RMP64: variants seen among roughly 807,000 people sequenced by gnomAD.
RMP64 encodes the protein nucleolus and neural progenitor protein.
At chr3:113,010,257 C>A in the RMP64 span, among the ~76,000 whole-genome samples, 1 of 152,116 alleles carries the variant, frequency 6.6e-6, no homozygotes, top group Non-Finnish European at 1.5e-5. Context: ...ATTACTATTA[C>A]AAAATAGAGG....
At chr3:113,013,542 T>G in the RMP64 span, 1 of 760,004 alleles carries the variant, frequency 1.3e-6, no homozygotes, top group Non-Finnish European at 2.1e-6. Flanking sequence ...TAGGGCAAGG[T>G]ATGGCAGAAG....
the RMP64 span, chr3:113,010,943 G>T: frequency 9.1e-7 from 1 of 1,098,944 alleles, no homozygotes; most frequent in South Asian, 1.6e-5. Flanking sequence ...GATGTGAGAT[G>T]TTGAATTTCT....
At chr3:113,009,734 T>A in the RMP64 span, 1 of 152,202 alleles carries the variant, frequency 6.6e-6, no homozygotes, top group African/African-American at 2.4e-5. Flanking sequence ...GTAATAAGCA[T>A]GCCCACCTCA....
At chr3:113,008,448 G>A in the RMP64 span, 1 of 1,593,974 alleles carries the variant, frequency 6.3e-7, no homozygotes, top group East Asian at 2.2e-5. Context: ...GTGGAAAGAT[G>A]AGAAAAATAT....
the RMP64 span, chr3:113,012,723 T>C: frequency 1.8e-5 from 27 of 1,459,462 alleles, no homozygotes; most frequent in Admixed American, 8.4e-5. Flanking sequence ...ATGTCAGAGG[T>C]ATGTACATAC....
chr3:113,005,851 C>T, the RMP64 span: 12 of 1,613,706 alleles, frequency 7.4e-6, no homozygotes, highest in African/African-American at 2.7e-5. Flanking sequence ...TTAAAAGAGT[C>T]GACTGCAACT....
the RMP64 span, among the ~76,000 whole-genome samples, chr3:113,018,311 C>T: frequency 1.3e-5 from 2 of 152,160 alleles, no homozygotes; most frequent in Non-Finnish European, 2.9e-5. Context: ...CCAACAACTA[C>T]CTGAAGACAG....
chr3:113,011,318 T>C, the RMP64 span: 6 of 1,613,592 alleles, frequency 3.7e-6, no homozygotes, highest in African/African-American at 4.0e-5. Context: ...AAGTAAGGCA[T>C]TGGTTGAATC....
At chr3:113,018,281 A>C in the RMP64 span, among the ~76,000 whole-genome samples, 3 of 152,336 alleles carry the variant, frequency 2.0e-5, no homozygotes, top group South Asian at 2.1e-4. Context: ...TTGCTACCTA[A>C]CAAGAATTTT....
chr3:113,006,297 G>A, the RMP64 span, among the ~76,000 whole-genome samples: 1 of 152,198 alleles, frequency 6.6e-6, no homozygotes, highest in Non-Finnish European at 1.5e-5. Context: ...TAGTGTCAGA[G>A]CTTTTCCCTC....
chr3:113,012,609 C>A, the RMP64 span: 845 of 577,870 alleles, frequency 1.5e-3, 17 homozygotes, highest in South Asian at 0.022. Context: ...TCTGATCAAA[C>A]CAAGAAAGAG....
At chr3:113,012,537 A>G in the RMP64 span, 1 of 413,026 alleles carries the variant, frequency 2.4e-6, no homozygotes, top group East Asian at 3.5e-5. Flanking sequence ...GGATTGAGAT[A>G]CAAAGCCTAC....
the RMP64 span, chr3:113,004,304 G>T: frequency 6.6e-6 from 1 of 152,132 alleles, no homozygotes; most frequent in Non-Finnish European, 1.5e-5. Context: ...CAGGTTTCTG[G>T]CCCCTGTTTA....
the RMP64 span, chr3:113,003,944 C>T: frequency 6.6e-6 from 1 of 152,140 alleles, no homozygotes. Flanking sequence ...ATATAGACAA[C>T]TCTCAGCAAA....
chr3:113,011,682 C>G, the RMP64 span: 1 of 266,718 alleles, frequency 3.7e-6, no homozygotes, highest in African/African-American at 2.2e-5. Context: ...CAAAAGGATG[C>G]ATATCAAAGT....
chr3:113,018,188 T>G, the RMP64 span, among the ~76,000 whole-genome samples: 1 of 152,202 alleles, frequency 6.6e-6, no homozygotes, highest in African/African-American at 2.4e-5. Context: ...TCTGAAAATC[T>G]GTAGAAGTCC....
At chr3:113,013,837 A>C in the RMP64 span, 2 of 766,336 alleles carry the variant, frequency 2.6e-6, no homozygotes, top group East Asian at 2.5e-5. Flanking sequence ...AAATTTATAC[A>C]GCTGAGGTAT....
the RMP64 span, chr3:113,011,256 A>C: frequency 1.9e-6 from 3 of 1,613,506 alleles, no homozygotes; most frequent in African/African-American, 4.0e-5. Context: ...AGGCTTCAAA[A>C]TATGGCTGTC....
chr3:113,019,260 A>C, the RMP64 span: 2 of 476,972 alleles, frequency 4.2e-6, no homozygotes, highest in Non-Finnish European at 7.4e-6. Flanking sequence ...AGCTGAGTCC[A>C]CCTCTCTCCG....
Sources: allele counts gnomAD v4.1 joint callset (sites outside exome capture counted in the v4.1 genomes callset), GRCh38; gene constraint gnomAD v4.1.1; transcripts MANE v1.5; gene names NCBI Gene and HGNC (gene_info 2026-07-23, HGNC 2026-07-21).